HPSE2: variants seen among roughly 807,000 people sequenced by gnomAD.
The protein encoded by HPSE2 is heparanase 2 (inactive).
In HPSE2, 38 loss-of-function variants were observed where a neutral mutation model predicts 60.5. The ratio of observed to expected loss-of-function variants is 0.63; its 90% CI spans 0.48 to 0.82. HPSE2 has a LOEUF of 0.82. HPSE2 is among the 40% of genes least tolerant of loss of function. HPSE2 has a pLI of 0.00. For synonymous variants in HPSE2, 295 were observed against 293.2 expected (o/e 1.01, Z -0.06); for missense variants, 713 against 740.4 (o/e 0.96, Z 0.43).
At chr10:99,170,049 G>C (rs558448404) in intron 2 of HPSE2, among the ~76,000 whole-genome samples, 2 of 152,310 alleles carry the variant, frequency 1.3e-5, no homozygotes, top group South Asian at 4.1e-4. Flanking sequence ...GGTGGTGGCA[G>C]AATTTGGTCT....
Position 99,193,986 on chromosome 10 carries a change from C to T in HPSE2, c.448+38362G>A, listed in dbSNP as rs1434213402. Among the ~76,000 whole-genome samples, 4 of 152,128 alleles carry T rather than the reference C, an allele frequency of 2.6e-5. No homozygotes were observed. In the East Asian group the frequency reaches 7.7e-4, roughly 29 times the overall value. On this transcript the variant is annotated intron_variant, in intron 2 of 11. Transcript: ENST00000370552. ...AGAGCTGGAGAATACATATTCTTAT[C>T]CTCGGTACATAGGTCATTCCCAAAA...
At chr10:98,856,713 A>C (rs1348237106) in intron 3 of HPSE2, among the ~76,000 whole-genome samples, 3 of 152,198 alleles carry the variant, frequency 2.0e-5, no homozygotes, top group Non-Finnish European at 4.4e-5. Context: ...TAAAATGGTA[A>C]ATGTGATGTA....
intron 3 of HPSE2, chr10:99,048,018 A>G (rs919495747): frequency 4.9e-5 from 34 of 690,260 alleles, no homozygotes; most frequent in Non-Finnish European, 8.7e-5. Flanking sequence ...AAGCTCAACA[A>G]GGCTGCAATT....
At chr10:99,012,806 T>C (rs1957047381) in intron 3 of HPSE2, among the ~76,000 whole-genome samples, 1 of 152,198 alleles carries the variant, frequency 6.6e-6, no homozygotes, top group South Asian at 2.1e-4. Flanking sequence ...AAATTCAAAA[T>C]GTCTTCCTCT....
chr10:99,235,218 C>A (rs1378199709), intron 1 of HPSE2, among the ~76,000 whole-genome samples: 2 of 152,012 alleles, frequency 1.3e-5, no homozygotes, highest in Non-Finnish European at 2.9e-5. Context: ...CAGAAGTAGA[C>A]GGGAAGGCTA....
At chr10:98,602,694 T>C (rs516200) in intron 9 of HPSE2, among the ~76,000 whole-genome samples, 146,393 of 152,164 alleles carry the variant, frequency 0.96, 70,569 homozygotes, top group East Asian at 1. Flanking sequence ...AGTGCCAAGA[T>C]GATTAAATGG....
rs183803104 is a variant in HPSE2 at position 98,818,623 on chromosome 10, C to T, written c.611-74567G>A. On this transcript the variant is annotated intron_variant, in intron 3 of 11. Transcript: ENST00000370552. ...GCCTTCCAATAGGGAGAAAGTCCAA[C>T]GAGGAGCCAAAACTTTATATCCACC... 6.6e-5 allele frequency among the ~76,000 whole-genome samples: 10 copies of T among 152,208 alleles called. No homozygotes were observed. The East Asian group carries it at 1.4e-3, about 21-fold the overall frequency.
At chr10:98,707,948 C>G (rs1390785243) in intron 5 of HPSE2, among the ~76,000 whole-genome samples, 1 of 151,816 alleles carries the variant, frequency 6.6e-6, no homozygotes, top group Non-Finnish European at 1.5e-5. Flanking sequence ...TTAAAACATT[C>G]AAGATTTAGT....
chr10:99,213,018 A>G (rs1384582110), intron 2 of HPSE2, among the ~76,000 whole-genome samples: 1 of 152,166 alleles, frequency 6.6e-6, no homozygotes, highest in East Asian at 1.9e-4. Context: ...CCATTTTAGC[A>G]TAAGGCCTGG....
chr10:99,064,124 G>A (rs7096198), intron 3 of HPSE2, among the ~76,000 whole-genome samples: 1,698 of 152,098 alleles, frequency 0.011, 31 homozygotes, highest in African/African-American at 0.037. Flanking sequence ...AAAAAGGTCC[G>A]GAAGTTTATA....
chr10:99,057,611 C>A (rs1244086883), intron 3 of HPSE2, among the ~76,000 whole-genome samples: 1 of 152,144 alleles, frequency 6.6e-6, no homozygotes, highest in South Asian at 2.1e-4. Flanking sequence ...GGGGATAACT[C>A]CACACTCAGT....
intron 9 of HPSE2, among the ~76,000 whole-genome samples, chr10:98,528,284 G>A (rs1014252735): frequency 2.0e-5 from 3 of 152,232 alleles, no homozygotes; most frequent in Admixed American, 2.0e-4. Flanking sequence ...TCCTGTGTTT[G>A]CCTTCTCCCA....
intron 5 of HPSE2, among the ~76,000 whole-genome samples, chr10:98,704,426 CAA>C (rs202141251): frequency 0.73 from 110,928 of 151,258 alleles, 41,941 homozygotes; most frequent in South Asian, 0.94. Flanking sequence ...TCATATGGAA[CAA>C]AAAAAAAAAA....
chr10:99,100,764 G>C (rs1344125096), intron 3 of HPSE2, among the ~76,000 whole-genome samples: 1 of 152,186 alleles, frequency 6.6e-6, no homozygotes, highest in Non-Finnish European at 1.5e-5. Flanking sequence ...TACCCTCAAA[G>C]GGAAGCCCAT....
the HPSE2 span, among the ~76,000 whole-genome samples, chr10:99,278,074 G>A: frequency 7.7e-6 from 1 of 129,610 alleles, no homozygotes; most frequent in South Asian, 2.8e-4. Flanking sequence ...TCCAGTCTGG[G>A]AGCGAGACTC....
At chr10:98,808,803 C>G (rs902634884) in intron 3 of HPSE2, among the ~76,000 whole-genome samples, 1 of 152,106 alleles carries the variant, frequency 6.6e-6, no homozygotes, top group Non-Finnish European at 1.5e-5. Context: ...GAGTGCCCTT[C>G]AAAGGTGCCA....
At chr10:99,015,096 T>C (rs991711147) in intron 3 of HPSE2, among the ~76,000 whole-genome samples, 4 of 151,922 alleles carry the variant, frequency 2.6e-5, no homozygotes, top group Non-Finnish European at 4.4e-5. Flanking sequence ...ATCAGAGAAA[T>C]GCAAATCAAA....
intron 6 of HPSE2, among the ~76,000 whole-genome samples, chr10:98,680,044 TTAGAGGG>T: frequency 2.0e-5 from 3 of 152,286 alleles, no homozygotes; most frequent in African/African-American, 7.2e-5. Context: ...GAAAAGCATC[TTAGAGGG>T]TAAGTTATTG....
chr10:99,134,045 GA>G (rs1434556322), intron 3 of HPSE2, among the ~76,000 whole-genome samples: 1 of 152,156 alleles, frequency 6.6e-6, no homozygotes, highest in Non-Finnish European at 1.5e-5. Flanking sequence ...TGATGGAGCT[GA>G]AAAACACAGC....
Sources: gnomAD v4.1 joint callset for allele counts (sites outside exome capture counted in the v4.1 genomes callset) on GRCh38, gnomAD v4.1.1 for gene constraint, MANE v1.5 for transcripts, NCBI Gene and HGNC (gene_info 2026-07-23, HGNC 2026-07-21) for gene names.